The following PFKFB3 variants were observed in gnomAD, a reference collection of about 807,000 sequenced individuals.
The protein encoded by PFKFB3 is 6-phosphofructo-2-kinase/fructose-2,6-biphosphatase 3.
Under a neutral mutation model 68.0 loss-of-function variants are expected in PFKFB3, and 33 were observed. The observed-to-expected ratio is 0.49, with a 90% CI of 0.37 to 0.65. The LOEUF is 0.65. PFKFB3 is among the 30% of genes least tolerant of loss of function. The pLI is 0.00. For synonymous variants in PFKFB3, 315 were observed against 288.2 expected (o/e 1.09, Z -0.94); for missense variants, 586 against 712.2 (o/e 0.82, Z 2.02).
intron 1 of PFKFB3, among the ~76,000 whole-genome samples, chr10:6,207,677 A>G (rs988344512): frequency 1.3e-5 from 2 of 152,222 alleles, no homozygotes; most frequent in African/African-American, 4.8e-5. Flanking sequence ...AAAAATTACT[A>G]TATCAATAAG....
chr10:6,186,352 T>C (rs2131807911), intron 1 of PFKFB3, among the ~76,000 whole-genome samples: 1 of 152,284 alleles, frequency 6.6e-6, no homozygotes, highest in South Asian at 2.1e-4. Context: ...GACTCATTCC[T>C]GTGGATGGAA....
At chr10:6,189,935 A>G (rs1016010646) in intron 1 of PFKFB3, among the ~76,000 whole-genome samples, 2 of 151,866 alleles carry the variant, frequency 1.3e-5, no homozygotes. Flanking sequence ...GAGTCTCTGC[A>G]AATATCTGTT....
chr10:6,194,344 A>C (rs550670495), intron 1 of PFKFB3, among the ~76,000 whole-genome samples: 61 of 152,242 alleles, frequency 4.0e-4, no homozygotes, highest in Non-Finnish European at 8.4e-4. Flanking sequence ...TCAGCTCTTG[A>C]CATCACAAGA....
chr10:6,228,092 G>T lies in PFKFB3; in HGVS notation c.1515+1727G>T. 3.1e-6 allele frequency: 4 copies of T among 1,275,730 alleles called. No homozygotes were observed. Among genetic ancestry groups the T allele is most frequent in the Non-Finnish European group, 4.6e-6 (4 of 878,478 alleles). 79.0% of individuals were successfully genotyped at this position (1,275,730 alleles called of 1,614,324 possible). On this transcript the variant is annotated intron_variant, in intron 14 of 14. Transcript: ENST00000379775. The surrounding 1 kb of genome is among the most constrained non-coding windows in gnomAD (Gnocchi z 4.5). Reference sequence around the variant, plus strand: ...TCAGGGTGGCCAGGTTCTTAGGGACGTCTGAAGCTGCTGGCTGGGCCGGCG... The same window carrying T: ...TCAGGGTGGCCAGGTTCTTAGGGACTTCTGAAGCTGCTGGCTGGGCCGGCG...
At chr10:6,167,984 T>G (rs1842192223) in intron 1 of PFKFB3, among the ~76,000 whole-genome samples, 1 of 152,220 alleles carries the variant, frequency 6.6e-6, no homozygotes, top group African/African-American at 2.4e-5. Flanking sequence ...CATCCTCAGC[T>G]TCTTCATCTG....
the PFKFB3 span, among the ~76,000 whole-genome samples, chr10:6,304,712 C>T: frequency 1.4e-5 from 2 of 139,010 alleles, no homozygotes; most frequent in South Asian, 4.7e-4. Flanking sequence ...GTAGAGATGA[C>T]ATCTCACTAT....
intron 14 of PFKFB3, among the ~76,000 whole-genome samples, chr10:6,251,633 GC>G (rs369579883): frequency 2.0e-5 from 3 of 152,146 alleles, no homozygotes; most frequent in African/African-American, 7.2e-5. Flanking sequence ...AGGGATGTGT[GC>G]AGAGAGGAGG....
intron 1 of PFKFB3, among the ~76,000 whole-genome samples, chr10:6,156,752 C>G (rs887779231): frequency 1.3e-5 from 2 of 152,014 alleles, no homozygotes; most frequent in Non-Finnish European, 2.9e-5. Flanking sequence ...TCCCAAAGTG[C>G]TGGGATTAGA....
intron 14 of PFKFB3, among the ~76,000 whole-genome samples, chr10:6,249,948 T>C (rs1216417766): frequency 1.3e-5 from 2 of 152,194 alleles, no homozygotes; most frequent in African/African-American, 4.8e-5. Flanking sequence ...ACCCTAGCCA[T>C]ATATAAATAT....
At chr10:6,213,019 G>A (rs139835470) in intron 1 of PFKFB3, among the ~76,000 whole-genome samples, 2 of 152,206 alleles carry the variant, frequency 1.3e-5, no homozygotes, top group Non-Finnish European at 2.9e-5. Context: ...CCCACCCGCA[G>A]GAGCATTTCC....
At chr10:6,314,738 C>T in the PFKFB3 span, among the ~76,000 whole-genome samples, 1 of 152,218 alleles carries the variant, frequency 6.6e-6, no homozygotes, top group Non-Finnish European at 1.5e-5. Flanking sequence ...GGGGAATGGC[C>T]GGGTCGAAGG....
intron 1 of PFKFB3, among the ~76,000 whole-genome samples, chr10:6,158,009 G>A (rs117637792): frequency 0.011 from 1,643 of 151,384 alleles, 67 homozygotes; most frequent in East Asian, 0.1. Context: ...AGTGTGGCTG[G>A]GCGCGGTGGT....
chr10:6,221,338 T>C, intron 8 of PFKFB3, 43 bp from the exon 9 acceptor site: 1 of 1,609,392 alleles, frequency 6.2e-7, no homozygotes, highest in Non-Finnish European at 8.5e-7. Context: ...TTGGAGGAGC[T>C]GCGGGCATCT....
At chr10:6,270,808 GC>G in the PFKFB3 span, among the ~76,000 whole-genome samples, 1 of 152,112 alleles carries the variant, frequency 6.6e-6, no homozygotes. Context: ...TTTGCTTCAT[GC>G]CCGTTCTCTC....
intron 8 of PFKFB3, among the ~76,000 whole-genome samples, 190 bp from the exon 9 acceptor site, chr10:6,221,191 G>A (rs1279740332): frequency 6.6e-6 from 1 of 152,186 alleles, no homozygotes; most frequent in Non-Finnish European, 1.5e-5. Context: ...GCACTAGGAA[G>A]GGAAGGGGCA....
chr10:6,226,465 G>A lies in PFKFB3; in HGVS notation c.1515+100G>A, dbSNP rs988559921. 4.0e-5 allele frequency: 41 copies of A among 1,028,774 alleles called. 1 individual carries two copies. Among genetic ancestry groups the A allele is most frequent in the South Asian group, 3.3e-4 (21 of 64,168 alleles). 63.7% of individuals were successfully genotyped at this position (1,028,774 alleles called of 1,614,324 possible). On this transcript the variant is annotated intron_variant, in intron 14 of 14. Coordinates refer to ENST00000379775, the MANE Select transcript of PFKFB3 (RefSeq NM_004566.4). The stretch of plus-strand genomic sequence containing the variant: ...CGTGTGTGTTTGCAAGAATACGTGC[G>A]TGGGTGCGTGTGGGTGCGCGTGCGT...
chr10:6,225,018 G>A (rs1224449091), intron 13 of PFKFB3: 21 of 422,062 alleles, frequency 5.0e-5, no homozygotes, highest in Non-Finnish European at 8.2e-5. Flanking sequence ...AGGAGACCTC[G>A]AGGCCTGGCC....
At chr10:6,305,312 C>CCACACCCAGCCAATTTGTAGG in the PFKFB3 span, among the ~76,000 whole-genome samples, 1 of 145,616 alleles carries the variant, frequency 6.9e-6, no homozygotes, top group Non-Finnish European at 1.5e-5. Context: ...GCATAAGCCA[C>CCACACCCAGCCAATTTGTAGG]CATCTCTTAC....
At chr10:6,204,797 C>G (rs1049943164) in intron 1 of PFKFB3, among the ~76,000 whole-genome samples, 3 of 152,250 alleles carry the variant, frequency 2.0e-5, no homozygotes, top group Admixed American at 6.5e-5. Flanking sequence ...ACAACTTTTG[C>G]ATAAAGCAAG....
Sources: gnomAD v4.1 joint callset for allele counts (sites outside exome capture counted in the v4.1 genomes callset) on GRCh38, gnomAD v4.1.1 for gene constraint, Gnocchi (gnomAD v3.1) non-coding constraint, MANE v1.5 for transcripts, NCBI Gene and HGNC (gene_info 2026-07-23, HGNC 2026-07-21) for gene names.